Variants in PTPRT observed in about 807,000 individuals in gnomAD.
The protein encoded by PTPRT is protein tyrosine phosphatase receptor type T.
PTPRT carries 56 observed loss-of-function variants against 176.8 expected under a neutral mutation model. The ratio of observed to expected loss-of-function variants is 0.32; its 90% CI spans 0.26 to 0.40. The LOEUF is 0.40. PTPRT is among the 10% of genes least tolerant of loss of function. The pLI is 1.00. For missense variants in PTPRT, 1,540 were observed against 1,908.2 expected, an observed-to-expected ratio of 0.81 and a Z score of 3.60; for synonymous variants, 783 against 739.0, an observed-to-expected ratio of 1.06 and a Z score of -0.96.
At chr20:42,101,986 G>A (rs1985983402) in intron 26 of PTPRT, 138 bp downstream of exon 26, 2 of 1,012,386 alleles carry the variant, frequency 2.0e-6, no homozygotes, top group South Asian at 1.8e-5. Context: ...GGGGAACAAA[G>A]GTCCTTGGGA....
intron 5 of PTPRT, among the ~76,000 whole-genome samples, chr20:42,757,270 T>G (rs78445618): frequency 6.6e-6 from 1 of 152,120 alleles, no homozygotes; most frequent in Admixed American, 6.5e-5. Flanking sequence ...CTTTTTCCCT[T>G]AAGCAGAACT....
At chr20:42,821,695 T>A (rs1407921420) in intron 2 of PTPRT, among the ~76,000 whole-genome samples, 1 of 152,134 alleles carries the variant, frequency 6.6e-6, no homozygotes, top group Non-Finnish European at 1.5e-5. Context: ...CTTGAACTGA[T>A]AAGCAACTTC....
chr20:42,123,825 A>C (rs1255282749), intron 19 of PTPRT, among the ~76,000 whole-genome samples: 2 of 152,156 alleles, frequency 1.3e-5, no homozygotes, highest in African/African-American at 2.4e-5. Context: ...TGACCACCCC[A>C]TCAGCTTCTT....
At chr20:43,046,786 A>G (rs1029020300) in intron 1 of PTPRT, among the ~76,000 whole-genome samples, 1 of 152,190 alleles carries the variant, frequency 6.6e-6, no homozygotes, top group Non-Finnish European at 1.5e-5. Context: ...TGAACTCAGT[A>G]GGCAATCCCT....
At chr20:42,649,655 T>C (rs1369714458) in intron 7 of PTPRT, among the ~76,000 whole-genome samples, 2 of 152,150 alleles carry the variant, frequency 1.3e-5, no homozygotes, top group Admixed American at 1.3e-4. Context: ...CTCCCTCATC[T>C]CTGGGGAGTA....
At chr20:42,793,212 C>G (rs975753037) in intron 2 of PTPRT, among the ~76,000 whole-genome samples, 2 of 152,164 alleles carry the variant, frequency 1.3e-5, no homozygotes, top group South Asian at 4.1e-4. Context: ...ATAAGGGATA[C>G]AAGTGCAGCT....
intron 29 of PTPRT, 55 bp from the exon 30 acceptor site, chr20:42,082,072 A>G (rs950854297): frequency 1.9e-6 from 3 of 1,610,858 alleles, no homozygotes; most frequent in Non-Finnish European, 2.5e-6. Context: ...CAGGCACCTG[A>G]TGATTCTAAA....
intron 1 of PTPRT, chr20:42,968,789 G>A (rs1982451443): frequency 6.6e-6 from 1 of 152,162 alleles, no homozygotes; most frequent in Admixed American, 6.5e-5. Flanking sequence ...AGGGCACCAG[G>A]GCCTAGGTCT....
chr20:42,678,214 A>G (rs908629403), intron 6 of PTPRT, 55 bp from the exon 7 acceptor site: 8 of 1,518,586 alleles, frequency 5.3e-6, no homozygotes, highest in Non-Finnish European at 7.2e-6. Flanking sequence ...TACAGAGCAG[A>G]CTACAAGCAC....
At chr20:42,267,458 CT>C (rs1436301169) in intron 13 of PTPRT, among the ~76,000 whole-genome samples, 1 of 152,184 alleles carries the variant, frequency 6.6e-6, no homozygotes, top group Non-Finnish European at 1.5e-5. Flanking sequence ...TCACCTGTTT[CT>C]TTTTACTTTT....
At chr20:42,162,897 C>T (rs1356649771) in intron 16 of PTPRT, among the ~76,000 whole-genome samples, 1 of 152,210 alleles carries the variant, frequency 6.6e-6, no homozygotes, top group African/African-American at 2.4e-5. Context: ...AAGCCTGTTC[C>T]TGGCAAGGAA....
Position 43,172,944 on chromosome 20 carries a change from C to T in PTPRT, c.88+16702G>A, listed in dbSNP as rs182825538. ...CTGGAGTGCAATGGCACAATCTCTG[C>T]TCACCACAACCTCCACCTCCCGGGT... On this transcript the variant is annotated intron_variant, in intron 1 of 30. Coordinates refer to ENST00000373187, the MANE Select transcript of PTPRT (RefSeq NM_007050.6). 2.0e-5 allele frequency among the ~76,000 whole-genome samples: 3 copies of T among 147,874 alleles called. No individual in the cohort carries two copies. The East Asian group carries it at 6.2e-4, about 30-fold the overall frequency.
chr20:42,578,515 C>G (rs1019409866), intron 7 of PTPRT, among the ~76,000 whole-genome samples: 1 of 152,116 alleles, frequency 6.6e-6, no homozygotes, highest in African/African-American at 2.4e-5. Flanking sequence ...AACTGCTGAT[C>G]TTCCCCAATA....
chr20:43,057,965 G>A lies in PTPRT; in HGVS notation c.88+131681C>T, dbSNP rs189827858. On this transcript the variant is annotated intron_variant, in intron 1 of 30. Coordinates refer to ENST00000373187, the MANE Select transcript of PTPRT (RefSeq NM_007050.6). ...GTGCTTAGTACATAGAAAGCACCCAGTATATATGTGTGAGATGAACAAAAA... is the reference window on the plus strand; with the variant it reads ...GTGCTTAGTACATAGAAAGCACCCAATATATATGTGTGAGATGAACAAAAA... Among the ~76,000 whole-genome samples, 297 of 152,258 alleles carry A rather than the reference G, an allele frequency of 2.0e-3. 1 individual carries two copies. Among genetic ancestry groups the A allele is most frequent in the African/African-American group, 6.7e-3 (280 of 41,544 alleles).
rs186356981 is a variant in PTPRT at position 43,182,954 on chromosome 20, T to A, written c.88+6692A>T. ...AATGAGAAAAGAAATGAATGAATGA[T>A]CTATTCTCTCCCCCACAAATCCATA... On this transcript the variant is annotated intron_variant, in intron 1 of 30. Coordinates refer to ENST00000373187, the MANE Select transcript of PTPRT (RefSeq NM_007050.6). Among the ~76,000 whole-genome samples, 34 of 152,344 alleles carry A rather than the reference T, an allele frequency of 2.2e-4. No individual in the cohort carries two copies. In the East Asian group the frequency reaches 5.0e-3, roughly 22 times the overall value.
chr20:42,677,870 A>C lies in PTPRT; in HGVS notation c.1149T>G (p.Cys383Trp), dbSNP rs1346523675. ...PGPPLTTRTK[C>W]ADPVHGPQNV... ...TGGGAAAAAAAAAAATCTTACCTGC[A>C]CACTTGGTCCTGGTGGTGAGGGGAG... is the stretch of plus-strand genomic sequence containing the variant. The change falls in exon 7 of 31, where the codon TGT (cysteine) becomes TGG (tryptophan). Residue 383 changes from cysteine (C) to tryptophan (W), a missense_variant. Cys to Trp is a radical substitution (Grantham distance 215, BLOSUM62 -2). Around this residue, in one of 11 missense-constraint regions of PTPRT, gnomAD observed 273 missense variants for 432.1 expected, o/e 0.63. Transcript: ENST00000373187. The C allele has an allele frequency of 6.2e-6, 10 of 1,605,312 alleles. No homozygotes were observed. Among genetic ancestry groups the C allele is most frequent in the Admixed American group, 3.4e-5 (2 of 59,118 alleles).
chr20:42,872,472 C>T (rs1013575971), intron 2 of PTPRT, among the ~76,000 whole-genome samples: 13 of 152,164 alleles, frequency 8.5e-5, no homozygotes, highest in African/African-American at 2.2e-4. Context: ...ATAGATTGTA[C>T]GTCAGGTGCC....
At position 42,595,453 on chromosome 20, in the gene PTPRT, G is replaced by C. The variant is rs143568112; in HGVS notation, c.1153+82413C>G. Among the ~76,000 whole-genome samples, 345 of 152,226 alleles carry C rather than the reference G, an allele frequency of 2.3e-3. 2 individuals are homozygous for C. Among genetic ancestry groups the C allele is most frequent in the Middle Eastern group, 3.4e-3 (1 of 294 alleles). On this transcript the variant is annotated intron_variant, in intron 7 of 30. Transcript: ENST00000373187. Reference sequence around the variant, plus strand: ...GATACGGTCAAATGTCCTCTGGTGAGAGGGTAGCAAAATGGCCCCTGGTTA... The same window carrying C: ...GATACGGTCAAATGTCCTCTGGTGACAGGGTAGCAAAATGGCCCCTGGTTA...
intron 2 of PTPRT, among the ~76,000 whole-genome samples, chr20:42,807,106 T>C (rs891571841): frequency 2.6e-5 from 4 of 152,186 alleles, no homozygotes; most frequent in African/African-American, 7.2e-5. Context: ...AGGAAAACAA[T>C]AGAACATTAA....
Sources: gnomAD v4.1 joint callset for allele counts (sites outside exome capture counted in the v4.1 genomes callset) on GRCh38, gnomAD v4.1.1 for gene constraint, gnomAD v4.1.1 regional missense constraint, MANE v1.5 for transcripts, NCBI Gene and HGNC (gene_info 2026-07-23, HGNC 2026-07-21) for gene names.